The following UBXN11 variants were observed in gnomAD, a reference collection of about 807,000 sequenced individuals.
UBXN11 encodes UBX domain protein 11, also known as UBX domain-containing protein 11.
Under a neutral mutation model 62.8 loss-of-function variants are expected in UBXN11, and 47 were observed. The ratio of observed to expected loss-of-function variants is 0.75; its 90% CI spans 0.59 to 0.95. The LOEUF is 0.95. UBXN11 is among the 40% of genes least tolerant of loss of function. The pLI, the probability that UBXN11 is intolerant of heterozygous loss-of-function variation, is 0.00. For missense variants in UBXN11, 638 were observed against 661.7 expected (o/e 0.96, Z 0.39); for synonymous variants, 294 against 267.0 (o/e 1.10, Z -0.99).
At chr1:26,316,711 TA>T (rs2073798834) in intron 1 of UBXN11, among the ~76,000 whole-genome samples, 2 of 151,810 alleles carry the variant, frequency 1.3e-5, no homozygotes, top group African/African-American at 4.8e-5. Flanking sequence ...CCACAGAGGG[TA>T]TCAAGTGAGG....
At chr1:26,294,044 G>A (rs2124651721) in intron 8 of UBXN11, 161 bp downstream of exon 8, 2 of 1,108,266 alleles carry the variant, frequency 1.8e-6, no homozygotes, top group South Asian at 3.0e-5. Flanking sequence ...GGAGGCCAAG[G>A]CTGCTCCCAC....
In UBXN11 at chr1:26,284,420, G is replaced by T. The variant is rs1441392343; in HGVS notation, c.915C>A (p.Gly305=). Residue 305 remains glycine (G), a synonymous_variant, in exon 11 of 15, where the codon GGC becomes GGA. Transcript: ENST00000374222. ...GCATCAGCTGCCTGCCCACCACACG[G>T]CCCTCGCCTGGGAAGGGGTCCAGTC... ...EDGLDPFPGE[G]RVVGRQLMHK... The T allele has an allele frequency of 1.2e-6, 2 of 1,613,842 alleles. No homozygotes were observed. Among genetic ancestry groups the T allele is most frequent in the Admixed American group, 1.7e-5 (1 of 59,988 alleles).
intron 7 of UBXN11, among the ~76,000 whole-genome samples, chr1:26,296,643 T>C (rs1570113128): frequency 6.6e-6 from 1 of 152,116 alleles, no homozygotes; most frequent in African/African-American, 2.4e-5. Context: ...GCGAGGACTG[T>C]AGAATTCAGT....
chr1:26,301,919 C>G (rs1282669238), intron 2 of UBXN11, among the ~76,000 whole-genome samples, 197 bp from the exon 3 acceptor site: 1 of 152,146 alleles, frequency 6.6e-6, no homozygotes, highest in Non-Finnish European at 1.5e-5. Flanking sequence ...AGGTGTCTGA[C>G]TTCACCCAGT....
At chr1:26,291,813 G>A (rs1049976565) in intron 8 of UBXN11, among the ~76,000 whole-genome samples, 1 of 152,230 alleles carries the variant, frequency 6.6e-6, no homozygotes, top group African/African-American at 2.4e-5. Flanking sequence ...TTCAGTTAGA[G>A]CTTTGGAGTT....
chr1:26,282,315 C>G lies in UBXN11; in HGVS notation c.1547G>C (p.Ser516Thr). Reference protein sequence around the residue: ...GPGPSPCPGPSPSPQ With the variant: ...GPGPSPCPGPTPSPQ ...GCGGGTGCTTTATTGGGGGCTGGGA[C>G]TGGGTCCAGGACAGGGACTGGGGCC... Residue 516 changes from serine to threonine, a missense_variant, in exon 15 of 15, where the codon AGT becomes ACT. Ser to Thr is a moderately conservative substitution (Grantham distance 58, BLOSUM62 1). Transcript: ENST00000374222. 2 of 1,471,434 alleles carry G rather than the reference C, an allele frequency of 1.4e-6. No homozygotes were observed. The highest frequency in any genetic ancestry group is 1.8e-6 in the Non-Finnish European group (2 of 1,110,170). 91.1% of individuals were successfully genotyped at this position (1,471,434 alleles called of 1,614,324 possible).
intron 1 of UBXN11, 146 bp downstream of exon 1, chr1:26,306,446 T>TCGCCTCCTTC (rs1429054895): frequency 6.6e-6 from 1 of 152,142 alleles, no homozygotes; most frequent in East Asian, 1.9e-4. Flanking sequence ...GGAGGCCGTG[T>TCGCCTCCTTC]CGCCTCCTTC....
chr1:26,300,809 A>T (rs1267059564), intron 4 of UBXN11, 117 bp downstream of exon 4: 1 of 1,500,776 alleles, frequency 6.7e-7, no homozygotes, highest in Non-Finnish European at 9.0e-7. Flanking sequence ...CAGGAGTGGA[A>T]GCAGCTGCCT....
chr1:26,288,609 G>A (rs2073185718), intron 8 of UBXN11, among the ~76,000 whole-genome samples: 2 of 152,322 alleles, frequency 1.3e-5, no homozygotes, highest in African/African-American at 4.8e-5. Flanking sequence ...CACAGCAGGA[G>A]TAAGGTCAGA....
At chr1:26,289,966 A>T (rs1357395869) in intron 8 of UBXN11, among the ~76,000 whole-genome samples, 1 of 152,240 alleles carries the variant, frequency 6.6e-6, no homozygotes, top group East Asian at 1.9e-4. Context: ...AGTGCAGGAA[A>T]GGAGGCCCTG....
chr1:26,291,879 A>G (rs10159433), intron 8 of UBXN11, among the ~76,000 whole-genome samples: 24,916 of 152,178 alleles, frequency 0.16, 2,147 homozygotes, highest in Middle Eastern at 0.21. Flanking sequence ...CCTTCCTAGC[A>G]TCATAGGGAC....
At chr1:26,313,690 T>C (rs2073764587) in intron 1 of UBXN11, among the ~76,000 whole-genome samples, 1 of 152,182 alleles carries the variant, frequency 6.6e-6, no homozygotes, top group Admixed American at 6.5e-5. Flanking sequence ...GTGCCCAATC[T>C]GATGTTAAAC....
intron 8 of UBXN11, 103 bp from the exon 9 acceptor site, chr1:26,286,140 T>C (rs1397969984): frequency 5.8e-6 from 6 of 1,030,528 alleles, no homozygotes; most frequent in Non-Finnish European, 8.2e-6. Flanking sequence ...GGTCTTAATG[T>C]CTCCTTAACT....
intron 2 of UBXN11, 113 bp downstream of exon 2, chr1:26,302,700 G>T: frequency 8.6e-7 from 1 of 1,160,962 alleles, no homozygotes; most frequent in Non-Finnish European, 1.2e-6. Flanking sequence ...GGAAGGCTAT[G>T]TGGCCCTTCT....
intron 9 of UBXN11, 80 bp downstream of exon 9, chr1:26,285,743 G>A: frequency 3.3e-6 from 5 of 1,504,624 alleles, no homozygotes; most frequent in Non-Finnish European, 4.5e-6. Flanking sequence ...CTGGGCCTGG[G>A]GTGAGCTGGC....
intron 9 of UBXN11, 42 bp downstream of exon 9, chr1:26,285,781 G>A: frequency 1.3e-6 from 2 of 1,556,194 alleles, no homozygotes; most frequent in Non-Finnish European, 1.7e-6. Context: ...ACAGTGGGCA[G>A]CAGGGGCACT....
At chr1:26,294,364 G>T (rs759082985) in intron 7 of UBXN11, 33 bp from the exon 8 acceptor site, 2 of 1,607,774 alleles carry the variant, frequency 1.2e-6, no homozygotes, top group Admixed American at 3.3e-5. Flanking sequence ...GCGGGGCACC[G>T]TCAGCTCAGC....
intron 1 of UBXN11, among the ~76,000 whole-genome samples, chr1:26,305,929 G>A (rs2124675840): frequency 6.6e-6 from 1 of 152,296 alleles, no homozygotes; most frequent in Non-Finnish European, 1.5e-5. Context: ...CTGTCACATG[G>A]CTCCCAACTG....
chr1:26,291,453 A>T (rs2073264677), intron 8 of UBXN11, among the ~76,000 whole-genome samples: 1 of 152,200 alleles, frequency 6.6e-6, no homozygotes. Context: ...GGCCTCCAAG[A>T]TGGAGGGCAG....
Sources: gnomAD v4.1 joint callset for allele counts (sites outside exome capture counted in the v4.1 genomes callset) on GRCh38, gnomAD v4.1.1 for gene constraint, MANE v1.5 for transcripts, NCBI Gene and HGNC (gene_info 2026-07-23, HGNC 2026-07-21) for gene names.